PAK2: variants seen among roughly 807,000 people sequenced by gnomAD.
The protein encoded by PAK2 is p21 (RAC1) activated kinase 2, also known as serine/threonine-protein kinase PAK 2.
A neutral mutation model predicts 65.9 loss-of-function variants in PAK2; 21 were observed. The observed-to-expected ratio is 0.32, with a 90% CI of 0.23 to 0.46. The LOEUF is 0.46. Ranked by LOEUF, PAK2 falls within the 20% of genes least tolerant of loss-of-function variation. The pLI is 1.00. For missense variants in PAK2, 324 were observed against 642.6 expected, an observed-to-expected ratio of 0.50 and a Z score of 5.36; for synonymous variants, 204 against 219.7, an observed-to-expected ratio of 0.93 and a Z score of 0.63.
chr3:196,783,334 G>A (rs1424830689), intron 2 of PAK2, among the ~76,000 whole-genome samples: 1 of 152,100 alleles, frequency 6.6e-6, no homozygotes, highest in East Asian at 1.9e-4. Flanking sequence ...TCTAGTTCAG[G>A]GTTTCTCAAC....
intron 1 of PAK2, among the ~76,000 whole-genome samples, chr3:196,776,382 A>G (rs1211436144): frequency 1.3e-5 from 2 of 152,218 alleles, no homozygotes; most frequent in Non-Finnish European, 2.9e-5. Context: ...CACTTCTGCA[A>G]GAGAGCTAAA....
chr3:196,767,325 G>A (rs1480928885), intron 1 of PAK2, among the ~76,000 whole-genome samples: 4 of 151,948 alleles, frequency 2.6e-5, no homozygotes, highest in Non-Finnish European at 4.4e-5. Flanking sequence ...ATATGTAGTC[G>A]GTACTCCTAA....
At chr3:196,815,049 A>G (rs530766000) in intron 11 of PAK2, among the ~76,000 whole-genome samples, 16 of 151,678 alleles carry the variant, frequency 1.1e-4, no homozygotes, top group African/African-American at 2.4e-4. Flanking sequence ...GCGTGTTGGC[A>G]GGTACCTGTA....
intron 1 of PAK2, among the ~76,000 whole-genome samples, chr3:196,758,084 T>C (rs905169204): frequency 6.6e-6 from 1 of 152,234 alleles, no homozygotes; most frequent in African/African-American, 2.4e-5. Flanking sequence ...CACTGATTTA[T>C]TCATTCAAGA....
chr3:196,802,207 T>C (rs1047499279), intron 3 of PAK2, among the ~76,000 whole-genome samples, 180 bp downstream of exon 3: 1 of 151,990 alleles, frequency 6.6e-6, no homozygotes, highest in South Asian at 2.1e-4. Context: ...GAGACCAGTG[T>C]GGCCAACATG....
Position 196,812,284 on chromosome 3 carries a change from AATCCTGGGTGTTACC to A in PAK2, c.822+20_822+34del. On this transcript the variant is annotated intron_variant, in intron 9 of 14. Transcript: ENST00000327134. ...GGACAGGAGGTAGTTACTTTGTTGT[AATCCTGGGTGTTACC>A]ATTATTTTGTCATATAGGTGGAAAC... is the stretch of plus-strand genomic sequence containing the variant. The A allele has an allele frequency of 6.7e-7, 1 of 1,482,642 alleles. No homozygotes were observed. Among genetic ancestry groups the A allele is most frequent in the Non-Finnish European group, 9.4e-7 (1 of 1,060,310 alleles). 91.8% of individuals were successfully genotyped at this position (1,482,642 alleles called of 1,614,324 possible). A position where few individuals can be genotyped will look rare whatever the true frequency, so the allele number is the denominator to read the frequency against.
chr3:196,759,001 A>G (rs1343964236), intron 1 of PAK2, among the ~76,000 whole-genome samples: 1 of 152,152 alleles, frequency 6.6e-6, no homozygotes, highest in Non-Finnish European at 1.5e-5. Context: ...ACACATTTTT[A>G]TTCTCGTATT....
Position 196,820,417 on chromosome 3 carries a change from C to T in PAK2, c.1200C>T (p.Arg400=). ...AGATCACCCCTGAGCAGAGCAAACG[C>T]AGTACCATGGTCGGAACGCCATACT... ...CAQITPEQSK[R]STMVGTPYWM... The change falls in exon 13 of 15, where the codon CGC becomes CGT. Residue 400 remains arginine, a synonymous_variant. Coordinates refer to ENST00000327134, the MANE Select transcript of PAK2 (RefSeq NM_002577.4). The surrounding 1 kb of genome is among the most constrained non-coding windows in gnomAD (Gnocchi z 4.6). The T allele has an allele frequency of 6.2e-7, 1 of 1,612,256 alleles. No individual in the cohort carries two copies. The highest frequency in any genetic ancestry group is 8.5e-7 in the Non-Finnish European group (1 of 1,179,094).
At chr3:196,807,053 C>G (rs544333296) in intron 6 of PAK2, among the ~76,000 whole-genome samples, 3 of 152,206 alleles carry the variant, frequency 2.0e-5, no homozygotes, top group East Asian at 3.9e-4. Context: ...TTTTAATCTC[C>G]CATTTTACAC....
intron 1 of PAK2, among the ~76,000 whole-genome samples, chr3:196,779,791 C>A (rs1262859119): frequency 2.0e-5 from 3 of 152,198 alleles, no homozygotes; most frequent in African/African-American, 7.2e-5. Flanking sequence ...CTGCCTCAGC[C>A]TCCCGAGTAG....
chr3:196,811,335 C>T (rs141293592), intron 8 of PAK2, among the ~76,000 whole-genome samples: 142 of 2,716 alleles, frequency 0.052, 2 homozygotes, highest in Non-Finnish European at 0.069. Flanking sequence ...TCCCTTCCCT[C>T]CCTTCCCTCC....
intron 2 of PAK2, among the ~76,000 whole-genome samples, chr3:196,795,292 C>CAA (rs55963334): frequency 0.057 from 7,808 of 136,022 alleles, 298 homozygotes; most frequent in Admixed American, 0.13. Context: ...CCCATCTCTA[C>CAA]AAAAAAAAAA....
chr3:196,778,289 A>G (rs1714600203), intron 1 of PAK2, among the ~76,000 whole-genome samples: 1 of 152,162 alleles, frequency 6.6e-6, no homozygotes, highest in Non-Finnish European at 1.5e-5. Flanking sequence ...GTATCCGTTC[A>G]TCAGTTGATG....
At chr3:196,812,877 C>T (rs367851256) in intron 10 of PAK2, 26 bp downstream of exon 10, 35 of 977,242 alleles carry the variant, frequency 3.6e-5, no homozygotes, top group East Asian at 1.5e-4. Context: ...CCTTAAACAC[C>T]GGGAGAAAAT....
At chr3:196,790,461 A>G (rs943516674) in intron 2 of PAK2, among the ~76,000 whole-genome samples, 6 of 152,128 alleles carry the variant, frequency 3.9e-5, no homozygotes, top group Non-Finnish European at 5.9e-5. Context: ...GCCCTGGTCT[A>G]TTACTTCCCA....
chr3:196,740,693 T>C (rs1412497891), intron 1 of PAK2, among the ~76,000 whole-genome samples: 1 of 152,168 alleles, frequency 6.6e-6, no homozygotes, highest in Non-Finnish European at 1.5e-5. Flanking sequence ...GGTAAAAACG[T>C]AGAGCGTCCC....
intron 1 of PAK2, among the ~76,000 whole-genome samples, chr3:196,773,011 T>A (rs1486331374): frequency 2.6e-5 from 4 of 152,228 alleles, no homozygotes; most frequent in Non-Finnish European, 2.9e-5. Context: ...TAATCTCCAC[T>A]ATTTGGGCTG....
chr3:196,740,458 ACT>A (rs1291568806), intron 1 of PAK2, among the ~76,000 whole-genome samples: 4 of 149,226 alleles, frequency 2.7e-5, no homozygotes, highest in African/African-American at 9.9e-5. Flanking sequence ...GTCTCTGCCG[ACT>A]CTCGGTCTTC....
Position 196,772,955 on chromosome 3 carries a change from C to T in PAK2, c.-21-9671C>T, listed in dbSNP as rs149776246. ...GTGTTTTTCAGTAATAGATGGTTTA[C>T]ACTTGGAGTACTGTAGTTGATCCCA... On this transcript the variant is annotated intron_variant, in intron 1 of 14. Transcript: ENST00000327134. Among the ~76,000 whole-genome samples, 1,423 of 152,262 alleles carry T rather than the reference C, an allele frequency of 9.3e-3. 24 individuals carry two copies. The highest frequency in any genetic ancestry group is 0.032 in the African/African-American group (1,312 of 41,526).
Sources: allele counts gnomAD v4.1 joint callset (sites outside exome capture counted in the v4.1 genomes callset), GRCh38; gene constraint gnomAD v4.1.1; non-coding constraint Gnocchi (gnomAD v3.1); transcripts MANE v1.5; gene names NCBI Gene and HGNC (gene_info 2026-07-23, HGNC 2026-07-21).